The following ADCY9 variants were observed in gnomAD, a reference collection of about 807,000 sequenced individuals.
ADCY9 encodes the protein adenylate cyclase 9.
ADCY9 carries 50 observed loss-of-function variants against 101.5 expected under a neutral mutation model. The observed-to-expected ratio is 0.49, with a 90% CI of 0.39 to 0.62. ADCY9 has a LOEUF of 0.62. Ranked by LOEUF, ADCY9 falls within the 20% of genes least tolerant of loss-of-function variation. The pLI is 0.00. For missense variants in ADCY9, 1,662 were observed against 1,800.4 expected (o/e 0.92, Z 1.39); for synonymous variants, 905 against 769.3 (o/e 1.18, Z -2.92).
chr16:3,990,338 T>A (rs370226926), intron 5 of ADCY9, among the ~76,000 whole-genome samples: 1 of 151,980 alleles, frequency 6.6e-6, no homozygotes. Flanking sequence ...TGGTGGCAGG[T>A]GCCTGTAATC....
chr16:4,025,615 C>T lies in ADCY9; in HGVS notation c.1694-18057G>A, dbSNP rs113511636. 3.9e-5 allele frequency among the ~76,000 whole-genome samples: 6 copies of T among 152,234 alleles called. 1 individual carries two copies. The highest frequency in any genetic ancestry group is 9.6e-5 in the African/African-American group (4 of 41,560). ...TGGAGAAGTCTGGCACGAGGCCTGC[C>T]GAGGAAATGGCCCGGGGGTGTGGCA... On this transcript the variant is annotated intron_variant, in intron 2 of 10. Coordinates refer to ENST00000294016, the MANE Select transcript of ADCY9 (RefSeq NM_001116.4).
intron 2 of ADCY9, among the ~76,000 whole-genome samples, chr16:4,018,665 T>G (rs2056454520): frequency 6.6e-6 from 1 of 152,176 alleles, no homozygotes; most frequent in African/African-American, 2.4e-5. Context: ...TTTCCACACT[T>G]GTCAGATCAC....
intron 2 of ADCY9, among the ~76,000 whole-genome samples, chr16:4,057,125 A>T (rs981860842): frequency 4.0e-5 from 6 of 149,834 alleles, no homozygotes; most frequent in African/African-American, 1.2e-4. Context: ...GCCTCATTTT[A>T]AAAAAATCTA....
chr16:4,079,777 G>T (rs1204637198), intron 2 of ADCY9, among the ~76,000 whole-genome samples: 1 of 151,672 alleles, frequency 6.6e-6, no homozygotes, highest in East Asian at 1.9e-4. Flanking sequence ...ATAAATATTT[G>T]ATATATATCG....
At position 3,965,483 on chromosome 16, in the gene ADCY9, G is replaced by T. The variant is rs1166994188; in HGVS notation, c.*292C>A. On this transcript the variant is annotated 3_prime_UTR_variant, in exon 11 of 11. Transcript: ENST00000294016. ...CCCAAAGCCATGATCTCCACTGGCG[G>T]CCTCTGTCCCGAGACTCGAGGCCGA... is the stretch of plus-strand genomic sequence containing the variant. 3 of 449,486 alleles carry T rather than the reference G, an allele frequency of 6.7e-6. No homozygotes were observed. The highest frequency in any genetic ancestry group is 7.9e-6 in the Non-Finnish European group (2 of 253,940). 27.8% of individuals were successfully genotyped at this position (449,486 alleles called of 1,614,324 possible).
At chr16:4,086,821 G>A (rs946874508) in intron 2 of ADCY9, among the ~76,000 whole-genome samples, 3 of 151,592 alleles carry the variant, frequency 2.0e-5, no homozygotes, top group African/African-American at 7.3e-5. Flanking sequence ...CACCACGCCC[G>A]GCTAATTTTT....
chr16:4,044,202 C>T (rs544941070), intron 2 of ADCY9, among the ~76,000 whole-genome samples: 46 of 152,048 alleles, frequency 3.0e-4, no homozygotes, highest in African/African-American at 1.0e-3. Flanking sequence ...CAAAAATTAG[C>T]CAGGTGTGGT....
intron 5 of ADCY9, among the ~76,000 whole-genome samples, chr16:3,954,899 A>G (rs999642600): frequency 6.6e-6 from 1 of 152,174 alleles, no homozygotes; most frequent in East Asian, 1.9e-4. Context: ...TGAGGGGGAC[A>G]CGCCTACATG....
At position 4,105,277 on chromosome 16, in the gene ADCY9, AGTTT is replaced by A. The variant is rs960104630; in HGVS notation, c.1693+8469_1693+8472del. 8.6e-4 allele frequency among the ~76,000 whole-genome samples: 131 copies of A among 152,186 alleles called. 2 individuals carry two copies. The highest frequency in any genetic ancestry group is 2.4e-4 in the Non-Finnish European group (16 of 68,030). On this transcript the variant is annotated intron_variant, in intron 2 of 10. Transcript: ENST00000294016. ...TTTAGAAAAGATTTTTAAGCTTCTC[AGTTT>A]GTTTCAATTTCTAATACTGTAAATA...
intron 2 of ADCY9, among the ~76,000 whole-genome samples, chr16:4,089,204 G>T (rs1387245671): frequency 6.6e-6 from 1 of 151,912 alleles, no homozygotes; most frequent in Non-Finnish European, 1.5e-5. Flanking sequence ...CCTCCCGAGG[G>T]GCTGGGACCA....
intron 2 of ADCY9, among the ~76,000 whole-genome samples, chr16:4,072,152 C>T (rs1307337903): frequency 6.6e-6 from 1 of 152,188 alleles, no homozygotes; most frequent in Non-Finnish European, 1.5e-5. Context: ...ATGACCAAGG[C>T]ACTGCTGCTA....
chr16:4,010,167 G>A (rs889469290), intron 2 of ADCY9, among the ~76,000 whole-genome samples: 5 of 152,318 alleles, frequency 3.3e-5, no homozygotes, highest in Non-Finnish European at 7.4e-5. Context: ...CATGCACAAG[G>A]GCTGCCCTGG....
intron 10 of ADCY9, among the ~76,000 whole-genome samples, chr16:3,971,855 G>A (rs1432457637): frequency 1.3e-5 from 2 of 152,132 alleles, no homozygotes; most frequent in Non-Finnish European, 2.9e-5. Flanking sequence ...ATCAGTTATC[G>A]CTTGTACAGC....
chr16:4,088,550 G>A (rs557556068), intron 2 of ADCY9, among the ~76,000 whole-genome samples: 20 of 151,928 alleles, frequency 1.3e-4, no homozygotes, highest in African/African-American at 4.6e-4. Context: ...TTGGCCTCCC[G>A]AAGTGCTGGG....
chr16:4,093,512 A>C (rs2056985652), intron 2 of ADCY9, among the ~76,000 whole-genome samples: 1 of 152,198 alleles, frequency 6.6e-6, no homozygotes, highest in East Asian at 1.9e-4. Context: ...AATCTCAATC[A>C]AAGTATATTA....
chr16:4,115,551 C>T lies in ADCY9; in HGVS notation c.-43-66G>A. 7.4e-7 allele frequency: 1 copy of T among 1,347,332 alleles called. No homozygotes were observed. The highest frequency in any genetic ancestry group is 1.5e-5 in the South Asian group (1 of 67,162). 83.5% of individuals were successfully genotyped at this position (1,347,332 alleles called of 1,614,324 possible). On this transcript the variant is annotated intron_variant, in intron 1 of 10. Transcript: ENST00000294016. The surrounding 1 kb of genome is among the most constrained non-coding windows in gnomAD (Gnocchi z 6.2). ...GGCATGCACGCCTAGAGGCCCGGGA[C>T]CTGCTCCTGTCCTAAGGGGCGGCTC...
chr16:4,028,848 G>A (rs779038639), intron 2 of ADCY9, among the ~76,000 whole-genome samples: 16 of 151,514 alleles, frequency 1.1e-4, no homozygotes, highest in South Asian at 2.1e-4. Context: ...GCAGTGGCGC[G>A]ATCTCGGCTC....
At chr16:4,081,661 C>G (rs1484262267) in intron 2 of ADCY9, among the ~76,000 whole-genome samples, 1 of 151,928 alleles carries the variant, frequency 6.6e-6, no homozygotes, top group Non-Finnish European at 1.5e-5. Flanking sequence ...CCCACATGTT[C>G]AACATCACAG....
At chr16:4,087,413 G>A (rs949293100) in intron 2 of ADCY9, among the ~76,000 whole-genome samples, 18 of 151,798 alleles carry the variant, frequency 1.2e-4, no homozygotes, top group African/African-American at 3.6e-4. Context: ...GCACATGCCT[G>A]TAATCCCAGC....
Sources: allele counts gnomAD v4.1 joint callset (sites outside exome capture counted in the v4.1 genomes callset), GRCh38; gene constraint gnomAD v4.1.1; non-coding constraint Gnocchi (gnomAD v3.1); transcripts MANE v1.5; gene names NCBI Gene and HGNC (gene_info 2026-07-23, HGNC 2026-07-21).